The following APPBP2 variants were observed in gnomAD, a reference collection of about 807,000 sequenced individuals.
APPBP2 encodes the protein amyloid protein-binding protein 2.
In APPBP2, 15 loss-of-function variants were observed where a neutral mutation model predicts 76.0. That is an observed-to-expected ratio of 0.20 (90% CI 0.13 to 0.30). The LOEUF (loss-of-function observed/expected upper bound fraction) is 0.30. Ranked by LOEUF, APPBP2 falls within the 10% of genes least tolerant of loss-of-function variation. The probability of loss-of-function intolerance (pLI) is 1.00; values close to 1 mark genes in which losing one functional copy is unlikely to be tolerated. For missense variants in APPBP2, 401 were observed against 687.2 expected (o/e 0.58, Z 4.66); for synonymous variants, 222 against 242.2 (o/e 0.92, Z 0.77).
At chr17:60,453,649 C>A (rs1191952394) in intron 11 of APPBP2, among the ~76,000 whole-genome samples, 1 of 150,708 alleles carries the variant, frequency 6.6e-6, no homozygotes, top group Non-Finnish European at 1.5e-5. Context: ...AAGTCATCCT[C>A]TTGCCTCAGC....
chr17:60,513,686 A>G (rs2090938483), intron 1 of APPBP2: 2 of 172,250 alleles, frequency 1.2e-5, no homozygotes, highest in East Asian at 3.4e-4. Context: ...ACATGGTGAA[A>G]CCCCATTTCT....
At chr17:60,478,405 CT>C in intron 4 of APPBP2, among the ~76,000 whole-genome samples, 1 of 152,186 alleles carries the variant, frequency 6.6e-6, no homozygotes, top group Admixed American at 6.5e-5. Flanking sequence ...TAAATGTATA[CT>C]CAAAGAAAAG....
intron 2 of APPBP2, among the ~76,000 whole-genome samples, chr17:60,499,959 G>T (rs1460715653): frequency 6.6e-6 from 1 of 151,724 alleles, no homozygotes; most frequent in Admixed American, 6.6e-5. Context: ...TGTTCAGGGT[G>T]ATTAAAAAGT....
rs2090813441 is a variant in APPBP2, at chr17:60,500,389, A to G, written c.227+10T>C. Reference sequence around the variant, plus strand: ...ATGTATATTTTACAATTTTTTAAAAAAGAATTTACCTTTTATCCAAAGCTC... The same window carrying G: ...ATGTATATTTTACAATTTTTTAAAAGAGAATTTACCTTTTATCCAAAGCTC... On this transcript the variant is annotated intron_variant, in intron 2 of 12. Coordinates refer to ENST00000083182, the MANE Select transcript of APPBP2 (RefSeq NM_006380.5). 6.4e-7 allele frequency: 1 copy of G among 1,566,256 alleles called. No homozygotes were observed. Among genetic ancestry groups the G allele is most frequent in the Non-Finnish European group, 8.7e-7 (1 of 1,150,216 alleles).
chr17:60,505,321 A>C (rs1487271365), intron 1 of APPBP2, among the ~76,000 whole-genome samples: 1 of 152,152 alleles, frequency 6.6e-6, no homozygotes, highest in African/African-American at 2.4e-5. Context: ...ATAATCCAAA[A>C]TCTTTTCTTT....
chr17:60,462,908 G>A (rs111402793), intron 6 of APPBP2, among the ~76,000 whole-genome samples: 11,922 of 141,766 alleles, frequency 0.084, 1,613 homozygotes, highest in African/African-American at 0.3. Context: ...CCGAGATCGC[G>A]CCACTGCACT....
chr17:60,460,333 G>C (rs181860217), intron 9 of APPBP2: 132 of 162,860 alleles, frequency 8.1e-4, no homozygotes, highest in African/African-American at 2.7e-3. Flanking sequence ...AGAGAAGCTG[G>C]GACCACAGGC....
rs372896833 is a variant in APPBP2, at chr17:60,462,943, C to T, written c.763-882G>A. ...TCCAGCCTGGGCGACAGCAAGACTC[C>T]ATCTCAAAAAAAAAAAAAAAGAAAA... On this transcript the variant is annotated intron_variant, in intron 6 of 12. Coordinates refer to ENST00000083182, the MANE Select transcript of APPBP2 (RefSeq NM_006380.5). Among the ~76,000 whole-genome samples the T allele has an allele frequency of 2.7e-3, 347 of 127,748 alleles. 1 individual carries two copies. Among genetic ancestry groups the T allele is most frequent in the African/African-American group, 0.011 (338 of 30,292 alleles). The allele number at this position is 127,748 out of a possible 152,430, so 83.8% of individuals were successfully genotyped here.
chr17:60,465,611 G>A (rs1489268522), intron 5 of APPBP2, among the ~76,000 whole-genome samples: 1 of 152,132 alleles, frequency 6.6e-6, no homozygotes, highest in Non-Finnish European at 1.5e-5. Context: ...GCTCATGCCT[G>A]TAATCCCAGC....
rs757074292 is a variant in APPBP2 at position 60,494,503 on chromosome 17, T to C, written c.342A>G (p.Ala114=). The change falls in exon 3 of 13, where the codon GCA becomes GCG. Residue 114 remains alanine, a synonymous_variant. Transcript: ENST00000083182. ...RCSYIAESDA[A]VKEKAIQVGF... is the part of the protein sequence containing the mutation. ...CAACCTGAATGGCTTTTTCCTTTACTGCAGCATCTGATTCTGCTATATAAG... is the reference window on the plus strand; with the variant it reads ...CAACCTGAATGGCTTTTTCCTTTACCGCAGCATCTGATTCTGCTATATAAG... The C allele has an allele frequency of 1.7e-5, 28 of 1,611,274 alleles. No homozygotes were observed. Among genetic ancestry groups the C allele is most frequent in the Non-Finnish European group, 2.3e-5 (27 of 1,179,524 alleles).
At chr17:60,468,396 C>T (rs1368293557) in intron 4 of APPBP2, 1 of 152,074 alleles carries the variant, frequency 6.6e-6, no homozygotes, top group Non-Finnish European at 1.5e-5. Context: ...AAATGAGAAA[C>T]CCATAGGTTG....
chr17:60,457,917 C>T (rs2090443407), intron 9 of APPBP2, among the ~76,000 whole-genome samples: 2 of 152,116 alleles, frequency 1.3e-5, no homozygotes, highest in Admixed American at 6.5e-5. Flanking sequence ...ATTTTCATTA[C>T]CCCATAAAGA....
chr17:60,474,596 C>T (rs981840936), intron 4 of APPBP2, among the ~76,000 whole-genome samples: 3 of 152,188 alleles, frequency 2.0e-5, no homozygotes, highest in African/African-American at 7.2e-5. Flanking sequence ...GTTCAAAATA[C>T]AGGTTGAGTA....
intron 1 of APPBP2, among the ~76,000 whole-genome samples, chr17:60,503,488 T>C (rs2090839730): frequency 6.9e-6 from 1 of 145,222 alleles, no homozygotes; most frequent in Non-Finnish European, 1.5e-5. Context: ...CAGGTTCAAG[T>C]GATTCCCTTG....
chr17:60,500,172 A>G (rs1235072133), intron 2 of APPBP2, among the ~76,000 whole-genome samples: 14 of 151,988 alleles, frequency 9.2e-5, no homozygotes, highest in South Asian at 2.1e-4. Flanking sequence ...CACCACGCCC[A>G]GCTAATTTTT....
chr17:60,525,014 A>C (rs9905971), intron 1 of APPBP2, among the ~76,000 whole-genome samples: 12,148 of 152,234 alleles, frequency 0.08, 1,619 homozygotes, highest in African/African-American at 0.28. Flanking sequence ...AACTCCTTGG[A>C]GAGTGGCTTG....
chr17:60,521,821 A>C (rs939866373), intron 1 of APPBP2, among the ~76,000 whole-genome samples: 3 of 152,020 alleles, frequency 2.0e-5, no homozygotes, highest in Admixed American at 2.0e-4. Context: ...ATTGTATTTT[A>C]TGTGTGGCCC....
At chr17:60,502,647 C>T (rs542127464) in intron 1 of APPBP2, among the ~76,000 whole-genome samples, 1 of 146,654 alleles carries the variant, frequency 6.8e-6, no homozygotes, top group East Asian at 1.9e-4. Context: ...CTGAGGTCAA[C>T]AGTTCAAGAC....
At chr17:60,498,428 G>C (rs1293356090) in intron 2 of APPBP2, among the ~76,000 whole-genome samples, 1 of 151,850 alleles carries the variant, frequency 6.6e-6, no homozygotes, top group East Asian at 1.9e-4. Flanking sequence ...TCTACTTCTA[G>C]GTATGTATCT....
Sources: gnomAD v4.1 joint callset for allele counts (sites outside exome capture counted in the v4.1 genomes callset) on GRCh38, gnomAD v4.1.1 for gene constraint, MANE v1.5 for transcripts, NCBI Gene and HGNC (gene_info 2026-07-23, HGNC 2026-07-21) for gene names.